Variants in GABRG3 observed in about 807,000 individuals in gnomAD.
GABRG3 encodes gamma-aminobutyric acid receptor subunit gamma-3.
A neutral mutation model predicts 48.8 loss-of-function variants in GABRG3; 25 were observed. The observed-to-expected ratio is 0.51, with a 90% CI of 0.37 to 0.72. The LOEUF is 0.72. Among genes scored for constraint, GABRG3 ranks in the 30% least tolerant of loss-of-function variants. GABRG3 has a pLI of 0.00. For synonymous variants in GABRG3, 227 were observed against 217.6 expected (o/e 1.04, Z -0.38); for missense variants, 394 against 577.9 (o/e 0.68, Z 3.26).
intron 6 of GABRG3, among the ~76,000 whole-genome samples, chr15:27,517,371 A>C (rs1392536747): frequency 6.6e-6 from 1 of 152,234 alleles, no homozygotes; most frequent in Non-Finnish European, 1.5e-5. Flanking sequence ...CCCTCCTGCA[A>C]AGCACCCATG....
intron 3 of GABRG3, among the ~76,000 whole-genome samples, chr15:27,226,677 C>A (rs1012382210): frequency 1.3e-5 from 2 of 152,248 alleles, no homozygotes; most frequent in Non-Finnish European, 1.5e-5. Flanking sequence ...CATTTTCAGC[C>A]AGTGCATTCA....
chr15:27,110,743 C>T (rs1897535097), intron 3 of GABRG3, among the ~76,000 whole-genome samples: 1 of 152,168 alleles, frequency 6.6e-6, no homozygotes, highest in African/African-American at 2.4e-5. Flanking sequence ...GAGACATCCA[C>T]TGTAATTCCT....
At chr15:27,024,222 G>C (rs1895946115) in intron 2 of GABRG3, among the ~76,000 whole-genome samples, 1 of 152,120 alleles carries the variant, frequency 6.6e-6, no homozygotes, top group Non-Finnish European at 1.5e-5. Context: ...ACTTATCAGA[G>C]ATACAATTTA....
rs763427988 is a variant in GABRG3 at position 27,535,727 on chromosome 15, C to G, written c.*2846C>G. On this transcript the variant is annotated 3_prime_UTR_variant, in exon 10 of 10. Coordinates refer to ENST00000615808, the MANE Select transcript of GABRG3 (RefSeq NM_033223.5). ...TATCAGTCTCAACTCCTGAGATGAG[C>G]CTTTTCAGTCCACAATGAGGAAGAG... 1 of 152,254 alleles carries G rather than the reference C, an allele frequency of 6.6e-6. No individual in the cohort carries two copies. Among genetic ancestry groups the G allele is most frequent in the Non-Finnish European group, 1.5e-5 (1 of 68,086 alleles). The allele number at this position is 152,254 out of a possible 1,614,324, so 9.4% of individuals were successfully genotyped here.
At chr15:27,444,960 C>A (rs1057193948) in intron 5 of GABRG3, among the ~76,000 whole-genome samples, 1 of 152,136 alleles carries the variant, frequency 6.6e-6, no homozygotes, top group African/African-American at 2.4e-5. Context: ...CAACCTCCAC[C>A]TCCCAGGTTC....
intron 5 of GABRG3, among the ~76,000 whole-genome samples, chr15:27,408,178 A>G (rs1887694563): frequency 6.6e-6 from 1 of 152,224 alleles, no homozygotes; most frequent in Admixed American, 6.5e-5. Context: ...GTGGTTCTAT[A>G]ACAAGAGTAA....
intron 3 of GABRG3, among the ~76,000 whole-genome samples, chr15:27,174,784 G>A (rs1318733156): frequency 1.3e-5 from 2 of 152,130 alleles, no homozygotes; most frequent in Admixed American, 6.6e-5. Flanking sequence ...TCTCCTTAGT[G>A]GTCCTTGGGC....
At chr15:27,361,400 A>G (rs1387286788) in intron 5 of GABRG3, among the ~76,000 whole-genome samples, 8 of 152,186 alleles carry the variant, frequency 5.3e-5, no homozygotes, top group Non-Finnish European at 1.2e-4. Context: ...TCTTCCCAGG[A>G]TGACGCTAAG....
intron 3 of GABRG3, among the ~76,000 whole-genome samples, chr15:27,255,129 C>T (rs1459120636): frequency 6.6e-6 from 1 of 152,220 alleles, no homozygotes; most frequent in Non-Finnish European, 1.5e-5. Context: ...CGGCTGCCTC[C>T]TGTGGGCTTC....
chr15:27,356,636 A>G (rs1894852413), intron 5 of GABRG3, among the ~76,000 whole-genome samples: 1 of 152,232 alleles, frequency 6.6e-6, no homozygotes. Flanking sequence ...ATAAAGGATC[A>G]TTGTTAAGGA....
intron 3 of GABRG3, among the ~76,000 whole-genome samples, chr15:27,106,613 A>T (rs1897453712): frequency 6.6e-6 from 1 of 151,984 alleles, no homozygotes; most frequent in South Asian, 2.1e-4. Flanking sequence ...ATAGAAAAAT[A>T]GAGAAAATAA....
At position 27,306,199 on chromosome 15, in the gene GABRG3, TA is replaced by T. The variant is rs1263991869; in HGVS notation, c.271-20608del. Among the ~76,000 whole-genome samples, 65 of 133,162 alleles carry T rather than the reference TA, an allele frequency of 4.9e-4. 3 individuals are homozygous for T. The highest frequency in any genetic ancestry group is 1.7e-3 in the African/African-American group (62 of 36,432). 87.4% of individuals were successfully genotyped at this position (133,162 alleles called of 152,430 possible). A position where few individuals can be genotyped will look rare whatever the true frequency, so the allele number is the denominator to read the frequency against. On this transcript the variant is annotated intron_variant, in intron 3 of 9. Coordinates refer to ENST00000615808, the MANE Select transcript of GABRG3 (RefSeq NM_033223.5). ...TAAACATATAATATAAACATATTTA[TA>T]ATATAAACATATGTAATATAAACAT...
chr15:27,089,428 A>G lies in GABRG3; in HGVS notation c.270+62607A>G, dbSNP rs181781222. Among the ~76,000 whole-genome samples, 39 of 152,150 alleles carry G rather than the reference A, an allele frequency of 2.6e-4. No homozygotes were observed. The East Asian group carries it at 7.4e-3, about 29-fold the overall frequency. ...GGCTTCTTGTCCACATTCTAAGTCT[A>G]GTCTCTAGGGCAGGCTGGCATTAGT... On this transcript the variant is annotated intron_variant, in intron 3 of 9. Transcript: ENST00000615808.
intron 3 of GABRG3, among the ~76,000 whole-genome samples, chr15:27,111,276 T>G (rs572550996): frequency 6.6e-6 from 1 of 152,362 alleles, no homozygotes; most frequent in Admixed American, 6.5e-5. Flanking sequence ...TTGCTTCCTT[T>G]GCTCTTGCAT....
chr15:27,134,742 G>T (rs1897978093), intron 3 of GABRG3, among the ~76,000 whole-genome samples: 1 of 152,190 alleles, frequency 6.6e-6, no homozygotes, highest in African/African-American at 2.4e-5. Flanking sequence ...TGTTGGTCTT[G>T]CCCTCCACAG....
intron 3 of GABRG3, among the ~76,000 whole-genome samples, chr15:27,246,772 C>T (rs973317386): frequency 1.2e-4 from 19 of 152,068 alleles, no homozygotes; most frequent in African/African-American, 3.6e-4. Context: ...CAGTAACTTG[C>T]GAGGACCTGC....
At chr15:27,177,840 C>T (rs1406096709) in intron 3 of GABRG3, among the ~76,000 whole-genome samples, 1 of 152,136 alleles carries the variant, frequency 6.6e-6, no homozygotes, top group Non-Finnish European at 1.5e-5. Flanking sequence ...CAGAATAGAA[C>T]TGGGCTCAAC....
At chr15:27,323,272 G>A (rs577201265) in intron 3 of GABRG3, among the ~76,000 whole-genome samples, 1 of 151,842 alleles carries the variant, frequency 6.6e-6, no homozygotes, top group South Asian at 2.1e-4. Context: ...CAATTTCTCT[G>A]TTATACTTAG....
At chr15:27,135,248 A>G (rs1897988297) in intron 3 of GABRG3, among the ~76,000 whole-genome samples, 1 of 152,190 alleles carries the variant, frequency 6.6e-6, no homozygotes, top group South Asian at 2.1e-4. Flanking sequence ...TTCCTGCTTA[A>G]TTAAAGGAAC....
Sources: gnomAD v4.1 joint callset for allele counts (sites outside exome capture counted in the v4.1 genomes callset) on GRCh38, gnomAD v4.1.1 for gene constraint, MANE v1.5 for transcripts, NCBI Gene and HGNC (gene_info 2026-07-23, HGNC 2026-07-21) for gene names.